The following CD200R1 variants were observed in gnomAD, a reference collection of about 807,000 sequenced individuals.
CD200R1 encodes cell surface glycoprotein CD200 receptor 1.
In CD200R1, 30 loss-of-function variants were observed where a neutral mutation model predicts 38.1. The ratio of observed to expected loss-of-function variants is 0.79; its 90% CI spans 0.59 to 1.07. The LOEUF (loss-of-function observed/expected upper bound fraction) is 1.07. CD200R1 is among the 50% of genes least tolerant of loss of function. The probability of loss-of-function intolerance (pLI) is 0.00; values close to 1 mark genes in which losing one functional copy is unlikely to be tolerated. For synonymous variants in CD200R1, 128 were observed against 152.1 expected (o/e 0.84, Z 1.16); for missense variants, 372 against 415.4 (o/e 0.90, Z 0.91).
intron 2 of CD200R1, among the ~76,000 whole-genome samples, chr3:112,942,006 A>G (rs995261171): frequency 6.6e-6 from 1 of 151,688 alleles, no homozygotes; most frequent in Non-Finnish European, 1.5e-5. Flanking sequence ...CCAAAACTGA[A>G]GGAGAAATAA....
At chr3:112,943,409 T>C (rs1319130339) in intron 2 of CD200R1, among the ~76,000 whole-genome samples, 1 of 151,676 alleles carries the variant, frequency 6.6e-6, no homozygotes, top group African/African-American at 2.4e-5. Flanking sequence ...TAAAGAGAAA[T>C]TTTAAAATAT....
intron 7 of CD200R1, 134 bp downstream of exon 7, chr3:112,924,356 T>A: frequency 2.0e-6 from 1 of 488,760 alleles, no homozygotes; most frequent in South Asian, 7.4e-5. Flanking sequence ...TAATCACACA[T>A]ATAAGCACTG....
rs558094088 is a variant in CD200R1, at chr3:112,965,078, G to A, written c.67+9713C>T. 7.2e-5 allele frequency among the ~76,000 whole-genome samples: 11 copies of A among 152,200 alleles called. No homozygotes were observed. In the South Asian group the frequency reaches 2.3e-3, roughly 32 times the overall value. On this transcript the variant is annotated intron_variant, in intron 1 of 7. Coordinates refer to ENST00000308611, the MANE Select transcript of CD200R1 (RefSeq NM_138806.4). ...TAAGTCCATTAAACCTCTTTCTTTT[G>A]TAAATTGCCCAGTTTCAGGTATGTC... is the stretch of plus-strand genomic sequence containing the variant.
chr3:112,962,069 A>C (rs1225446911), intron 1 of CD200R1, among the ~76,000 whole-genome samples: 1 of 152,218 alleles, frequency 6.6e-6, no homozygotes. Flanking sequence ...TATTATGCTA[A>C]TAAATTTGGC....
At position 112,953,155 on chromosome 3, in the gene CD200R1, T is replaced by G. The variant is rs115336091; in HGVS notation, c.68-5231A>C. 7.1e-3 allele frequency among the ~76,000 whole-genome samples: 1,085 copies of G among 152,308 alleles called. 13 individuals carry two copies. The highest frequency in any genetic ancestry group is 0.024 in the African/African-American group (985 of 41,560). On this transcript the variant is annotated intron_variant, in intron 1 of 7. Transcript: ENST00000308611. ...CCTTCTATACCTAATTTATTGAGAA[T>G]TTTTATCATGAAAGGATGTTGAATT...
intron 1 of CD200R1, among the ~76,000 whole-genome samples, chr3:112,961,295 A>C (rs73214309): frequency 0.019 from 2,876 of 152,188 alleles, 56 homozygotes; most frequent in Middle Eastern, 0.041. Flanking sequence ...TATGTCATTG[A>C]TAAATACTAT....
intron 1 of CD200R1, among the ~76,000 whole-genome samples, chr3:112,970,223 G>A (rs960296606): frequency 6.6e-6 from 1 of 151,928 alleles, no homozygotes; most frequent in Non-Finnish European, 1.5e-5. Context: ...TTTAATCCTG[G>A]AACTTTTTGG....
At chr3:112,929,565 A>AT (rs1559945067) in intron 3 of CD200R1, 58 bp from the exon 4 acceptor site, 4 of 1,428,804 alleles carry the variant, frequency 2.8e-6, no homozygotes, top group Non-Finnish European at 1.9e-6. Context: ...CATGTGTTAC[A>AT]TTTATCCACA....
chr3:112,947,287 G>C (rs1363117905), intron 2 of CD200R1, among the ~76,000 whole-genome samples: 2 of 152,120 alleles, frequency 1.3e-5, no homozygotes, highest in African/African-American at 4.8e-5. Context: ...TTGATAATGT[G>C]ATAATGATGA....
intron 2 of CD200R1, among the ~76,000 whole-genome samples, chr3:112,945,890 T>A (rs1222291058): frequency 6.6e-6 from 1 of 151,990 alleles, no homozygotes; most frequent in Admixed American, 6.5e-5. Context: ...TAGCAGGGCG[T>A]GGTAGCTGGC....
intron 2 of CD200R1, among the ~76,000 whole-genome samples, chr3:112,940,782 A>T (rs1023761508): frequency 6.6e-6 from 1 of 151,876 alleles, no homozygotes; most frequent in Admixed American, 6.6e-5. Flanking sequence ...CATATGATCC[A>T]GCAATCTTGC....
chr3:112,967,756 G>A (rs150115787), intron 1 of CD200R1, among the ~76,000 whole-genome samples: 1 of 152,300 alleles, frequency 6.6e-6, no homozygotes, highest in East Asian at 1.9e-4. Flanking sequence ...GTCATTTCAA[G>A]TGTATCACAT....
At chr3:112,972,743 A>T (rs1933341612) in intron 1 of CD200R1, among the ~76,000 whole-genome samples, 1 of 152,248 alleles carries the variant, frequency 6.6e-6, no homozygotes, top group Non-Finnish European at 1.5e-5. Flanking sequence ...CAAAAAGAAA[A>T]TAGGGAAACC....
chr3:112,954,656 G>A (rs1280517429), intron 1 of CD200R1, among the ~76,000 whole-genome samples: 3 of 152,164 alleles, frequency 2.0e-5, no homozygotes, highest in African/African-American at 4.8e-5. Context: ...CCAAAGGACT[G>A]CATTCAGAGA....
chr3:112,941,300 G>C (rs1940723338), intron 2 of CD200R1, among the ~76,000 whole-genome samples: 1 of 151,700 alleles, frequency 6.6e-6, no homozygotes, highest in Non-Finnish European at 1.5e-5. Context: ...GCTAGAAGAA[G>C]ATATTGAATG....
intron 2 of CD200R1, among the ~76,000 whole-genome samples, chr3:112,943,369 C>A (rs933353255): frequency 2.0e-5 from 3 of 151,566 alleles, no homozygotes; most frequent in Admixed American, 2.0e-4. Context: ...CCACAGACTT[C>A]TAAATAATGC....
chr3:112,967,574 A>G (rs1248465549), intron 1 of CD200R1, among the ~76,000 whole-genome samples: 1 of 152,210 alleles, frequency 6.6e-6, no homozygotes, highest in Non-Finnish European at 1.5e-5. Context: ...AGCAGGACCT[A>G]TGTCTGTCTT....
chr3:112,954,569 C>T (rs546023130), intron 1 of CD200R1, among the ~76,000 whole-genome samples: 20 of 152,240 alleles, frequency 1.3e-4, no homozygotes, highest in Admixed American at 3.9e-4. Context: ...GGAGGGTAAA[C>T]GTGCTGAAGG....
chr3:112,971,616 TACC>T (rs1933311648), intron 1 of CD200R1, among the ~76,000 whole-genome samples: 1 of 152,174 alleles, frequency 6.6e-6, no homozygotes, highest in South Asian at 2.1e-4. Context: ...GGGACACTGT[TACC>T]ACATTATTCT....
Sources: allele counts gnomAD v4.1 joint callset (sites outside exome capture counted in the v4.1 genomes callset), GRCh38; gene constraint gnomAD v4.1.1; transcripts MANE v1.5; gene names NCBI Gene and HGNC (gene_info 2026-07-23, HGNC 2026-07-21).